The following ZNF808 variants were observed in gnomAD, a reference collection of about 807,000 sequenced individuals.
The protein encoded by ZNF808 is zinc finger protein 808.
A neutral mutation model predicts 8.7 loss-of-function variants in ZNF808; 5 were observed. That is an observed-to-expected ratio of 0.58 (90% CI 0.30 to 1.21). The LOEUF is 1.21. Among genes scored for constraint, ZNF808 ranks in the 50% most tolerant of loss-of-function variants. The pLI is 0.07. For synonymous variants in ZNF808, 380 were observed against 366.0 expected (o/e 1.04, Z -0.44); for missense variants, 1,103 against 1,098.4 (o/e 1.00, Z -0.06).
At position 52,553,175 on chromosome 19, in the gene ZNF808, A is replaced by G; in HGVS notation, c.259A>G (p.Thr87Ala). Residue 87 changes from threonine to alanine, a missense_variant, in exon 5 of 5, where the codon ACA (threonine) becomes GCA (alanine). By Grantham distance (58) the Thr-to-Ala change is moderately conservative. Coordinates refer to ENST00000359798, the MANE Select transcript of ZNF808 (RefSeq NM_001039886.4). ...GCAAGGCAATAGAGAAGTGATCCAC[A>G]CAGGGACATTGCAAAGACATCAAAG... ...TGQGNREVIH[T>A]GTLQRHQSYH... 1 of 1,612,532 alleles carries G rather than the reference A, an allele frequency of 6.2e-7. No homozygotes were observed. Among genetic ancestry groups the G allele is most frequent in the Non-Finnish European group, 8.5e-7 (1 of 1,179,376 alleles).
Position 52,554,290 on chromosome 19 carries a change from G to T in ZNF808, c.1374G>T (p.Lys458Asn). 1 of 1,613,994 alleles carries T rather than the reference G, an allele frequency of 6.2e-7. No individual in the cohort carries two copies. The highest frequency in any genetic ancestry group is 1.1e-5 in the South Asian group (1 of 91,074). The change falls in exon 5 of 5, where the codon AAG becomes AAT. Residue 458 changes from lysine (K) to asparagine (N), a missense_variant. Physicochemically the swap from Lys to Asn is moderately conservative, Grantham distance 94. Transcript: ENST00000359798. ...CTGGAGAGAAACCATACAAATGTAA[G>T]GTTTGTGATACAGCTTTCACGTGTA... ...IHTGEKPYKCKVCDTAFTCNS... is the reference protein window; with the variant it reads ...IHTGEKPYKCNVCDTAFTCNS...
At chr19:52,562,564 T>A (rs1212364735) in intron 3 of ZNF808, among the ~76,000 whole-genome samples, 1 of 152,170 alleles carries the variant, frequency 6.6e-6, no homozygotes, top group East Asian at 1.9e-4. Context: ...TGCATCATAT[T>A]TTTTATGTTT....
At position 52,553,329 on chromosome 19, in the gene ZNF808, G is replaced by GCACA; in HGVS notation, c.414_417dup (p.Asp140HisfsTer5). On this transcript the variant is annotated frameshift_variant, in exon 5 of 5. Coordinates refer to ENST00000359798, the MANE Select transcript of ZNF808 (RefSeq NM_001039886.4). LOFTEE classifies it low-confidence loss of function (END_TRUNC). ...ACAAAAATAAAAAAGTTGACTGGTA[G>GCACA]CACAGACCAACATGATCACAGGCAT... The GCACA allele has an allele frequency of 6.2e-7, 1 of 1,614,080 alleles. No individual in the cohort carries two copies. The highest frequency in any genetic ancestry group is 1.6e-4 in the Middle Eastern group (1 of 6,062).
downstream of ZNF808, among the ~76,000 whole-genome samples, chr19:52,558,017 CTT>C (rs66789100): frequency 8.8e-4 from 41 of 46,360 alleles, no homozygotes; most frequent in East Asian, 7.5e-3. Context: ...CTAGGTGTGG[CTT>C]TTTTTTTTTT....
chr19:52,539,555 T>TTG (rs1444245007), intron 2 of ZNF808, among the ~76,000 whole-genome samples: 1 of 139,652 alleles, frequency 7.2e-6, no homozygotes, highest in Non-Finnish European at 1.5e-5. Context: ...GTGGTTTTTT[T>TTG]TTTTTTTTTT....
At chr19:52,546,933 C>T (rs2059727240) in intron 3 of ZNF808, among the ~76,000 whole-genome samples, 1 of 143,916 alleles carries the variant, frequency 6.9e-6, no homozygotes, top group Admixed American at 7.0e-5. Context: ...AGAGCCATTG[C>T]CTGGAATTGC....
downstream of ZNF808, among the ~76,000 whole-genome samples, chr19:52,558,209 C>A (rs182762456): frequency 6.6e-6 from 1 of 150,738 alleles, no homozygotes; most frequent in African/African-American, 2.4e-5. Flanking sequence ...CCTCAGCCTC[C>A]GGAGTAGCTG....
At chr19:52,545,557 C>T (rs1382555371) in intron 3 of ZNF808, among the ~76,000 whole-genome samples, 1 of 152,100 alleles carries the variant, frequency 6.6e-6, no homozygotes, top group African/African-American at 2.4e-5. Context: ...AGGTGGGTAG[C>T]TCATGACATC....
chr19:52,535,354 AAGAG>A (rs1303182304), intron 2 of ZNF808, among the ~76,000 whole-genome samples: 18 of 143,292 alleles, frequency 1.3e-4, no homozygotes, highest in South Asian at 2.2e-4. Context: ...AAAAAAAAAA[AAGAG>A]AGAAAAGGAA....
At chr19:52,549,356 A>G (rs1014959871) in intron 4 of ZNF808, among the ~76,000 whole-genome samples, 4 of 152,106 alleles carry the variant, frequency 2.6e-5, no homozygotes, top group Non-Finnish European at 5.9e-5. Flanking sequence ...TGTACTCTTC[A>G]TAGAGTTTAC....
In ZNF808 at chr19:52,554,311, G is replaced by A. The variant is rs554515340; in HGVS notation, c.1395G>A (p.Thr465=). The A allele has an allele frequency of 4.4e-5, 71 of 1,614,040 alleles. No individual in the cohort carries two copies. The highest frequency in any genetic ancestry group is 2.9e-4 in the South Asian group (26 of 91,080). Reference sequence around the variant, plus strand: ...GTAAGGTTTGTGATACAGCTTTCACGTGTAATTCACAGCTGGCACGACATA... The same window carrying A: ...GTAAGGTTTGTGATACAGCTTTCACATGTAATTCACAGCTGGCACGACATA... ...YKCKVCDTAF[T]CNSQLARHRR... The change falls in exon 5 of 5, where the codon ACG becomes ACA. Residue 465 remains threonine, a synonymous_variant. Transcript: ENST00000359798.
At chr19:52,532,679 C>T (rs953575428) in intron 1 of ZNF808, among the ~76,000 whole-genome samples, 1 of 152,082 alleles carries the variant, frequency 6.6e-6, no homozygotes, top group African/African-American at 2.4e-5. Flanking sequence ...TGTGCCCTGT[C>T]AGCGTTTTGT....
downstream of ZNF808, among the ~76,000 whole-genome samples, chr19:52,565,897 A>C (rs1016789343): frequency 2.6e-5 from 4 of 152,230 alleles, no homozygotes; most frequent in Non-Finnish European, 5.9e-5. Context: ...ACACGTCATC[A>C]GGACCTCCTG....
At chr19:52,538,624 G>A (rs187181356) in intron 2 of ZNF808, among the ~76,000 whole-genome samples, 25,544 of 116,936 alleles carry the variant, frequency 0.22, 3,221 homozygotes, top group East Asian at 0.39. Flanking sequence ...GCGAAACTCT[G>A]TCTCAAAAAA....
In ZNF808 at chr19:52,555,540, A is replaced by T; in HGVS notation, c.2624A>T (p.Tyr875Phe). The change falls in exon 5 of 5, where the codon TAC becomes TTC. Residue 875 changes from tyrosine (Y) to phenylalanine (F), a missense_variant. Coordinates refer to ENST00000359798, the MANE Select transcript of ZNF808 (RefSeq NM_001039886.4). ...HRIIHTGEKP[Y>F]KCNECGKAFS... Reference sequence around the variant, plus strand: ...ATAATTCATACTGGAGAGAAACCTTACAAGTGTAATGAGTGTGGCAAAGCC... The same window carrying T: ...ATAATTCATACTGGAGAGAAACCTTTCAAGTGTAATGAGTGTGGCAAAGCC... 3 of 1,614,114 alleles carry T rather than the reference A, an allele frequency of 1.9e-6. No individual in the cohort carries two copies. The highest frequency in any genetic ancestry group is 2.5e-6 in the Non-Finnish European group (3 of 1,180,024).
chr19:52,550,238 T>C, intron 4 of ZNF808, among the ~76,000 whole-genome samples: 1 of 151,860 alleles, frequency 6.6e-6, no homozygotes, highest in Non-Finnish European at 1.5e-5. Context: ...GGTTTTTTTT[T>C]TTTGTTTTTG....
At chr19:52,550,358 G>A (rs62117201) in intron 4 of ZNF808, among the ~76,000 whole-genome samples, 9,905 of 151,924 alleles carry the variant, frequency 0.065, 466 homozygotes, top group Non-Finnish European at 0.096. Context: ...AGCCTTCTGA[G>A]TAGCTGGGAT....
At chr19:52,562,410 A>T (rs2059860923) in intron 3 of ZNF808, among the ~76,000 whole-genome samples, 1 of 152,110 alleles carries the variant, frequency 6.6e-6, no homozygotes, top group Non-Finnish European at 1.5e-5. Context: ...GAAAAAATAT[A>T]AATAAAAGCA....
rs539631462 is a variant in ZNF808, at chr19:52,548,916, G to A, written c.190+1278G>A. Among the ~76,000 whole-genome samples the A allele has an allele frequency of 3.9e-5, 6 of 152,142 alleles. No homozygotes were observed. The East Asian group carries it at 7.8e-4, about 20-fold the overall frequency. On this transcript the variant is annotated intron_variant, in intron 4 of 4. Coordinates refer to ENST00000359798, the MANE Select transcript of ZNF808 (RefSeq NM_001039886.4). ...GTGAATCACCTGAGGTCAGGAGTTC[G>A]AGTCCAGCTTGGCCAACTTGGTGAA...
Sources: gnomAD v4.1 joint callset for allele counts (sites outside exome capture counted in the v4.1 genomes callset) on GRCh38, gnomAD v4.1.1 for gene constraint, MANE v1.5 for transcripts, NCBI Gene and HGNC (gene_info 2026-07-23, HGNC 2026-07-21) for gene names.